The following ZDHHC3 variants were observed in gnomAD, a reference collection of about 807,000 sequenced individuals.
The protein encoded by ZDHHC3 is zDHHC palmitoyltransferase 3.
Under a neutral mutation model 30.6 loss-of-function variants are expected in ZDHHC3, and 9 were observed. The observed-to-expected ratio is 0.29, with a 90% CI of 0.18 to 0.51. The LOEUF (loss-of-function observed/expected upper bound fraction) is 0.51, where lower values mean the gene tolerates loss of function less well. Among genes scored for constraint, ZDHHC3 ranks in the 20% least tolerant of loss-of-function variants. The pLI, the probability that ZDHHC3 is intolerant of heterozygous loss-of-function variation, is 0.97. For synonymous variants in ZDHHC3, 136 were observed against 140.2 expected, an observed-to-expected ratio of 0.97 and a Z score of 0.21; for missense variants, 246 against 384.2, an observed-to-expected ratio of 0.64 and a Z score of 3.01.
At position 44,917,450 on chromosome 3, in the gene ZDHHC3, C is replaced by T. The variant is rs1575739014; in HGVS notation, c.*9239G>A. The stretch of plus-strand genomic sequence containing the variant: ...GTCCCCAAGGCAAGCCCTGCCCGGT[C>T]CTTCTGTCACAACCTTACTTCTCAA... On this transcript the variant is annotated 3_prime_UTR_variant, in exon 7 of 7. Coordinates refer to ENST00000424952, the MANE Select transcript of ZDHHC3 (RefSeq NM_001135179.2). 2 of 183,470 alleles carry T rather than the reference C, an allele frequency of 1.1e-5. No homozygotes were observed. Among genetic ancestry groups the T allele is most frequent in the Middle Eastern group, 5.3e-3 (2 of 380 alleles). The allele number at this position is 183,470 out of a possible 1,614,324, so 11.4% of individuals were successfully genotyped here.
At position 44,976,105 on chromosome 3, in the gene ZDHHC3, A is replaced by C; in HGVS notation, c.-197T>G. 2.2e-6 allele frequency: 1 copy of C among 456,852 alleles called. No individual in the cohort carries two copies. Among genetic ancestry groups the C allele is most frequent in the African/African-American group, 2.1e-5 (1 of 48,350 alleles). The allele number at this position is 456,852 out of a possible 1,614,324, so 28.3% of individuals were successfully genotyped here. A position where few individuals can be genotyped will look rare whatever the true frequency, so the allele number is the denominator to read the frequency against. On this transcript the variant is annotated 5_prime_UTR_variant, in exon 1 of 7. Coordinates refer to ENST00000424952, the MANE Select transcript of ZDHHC3 (RefSeq NM_001135179.2). ...CTCGGCCAGACACCGGGCGGCGCGC[A>C]GGAGAAGCCCATCGAGCTCTCCCGG...
At position 44,925,561 on chromosome 3, in the gene ZDHHC3, G is replaced by T; in HGVS notation, c.*1128C>A. ...GTCCCAGTGCCACAGGCTTAGGTGT[G>T]TCTGTGGATTCTGGCCAATGGGATG... On this transcript the variant is annotated 3_prime_UTR_variant, in exon 7 of 7. Coordinates refer to ENST00000424952, the MANE Select transcript of ZDHHC3 (RefSeq NM_001135179.2). 1.0e-6 allele frequency: 1 copy of T among 985,486 alleles called. No individual in the cohort carries two copies. The highest frequency in any genetic ancestry group is 1.2e-6 in the Non-Finnish European group (1 of 829,950). The allele number at this position is 985,486 out of a possible 1,614,324, so 61.0% of individuals were successfully genotyped here.
chr3:44,919,547 C>T lies in ZDHHC3; in HGVS notation c.*7142G>A, dbSNP rs1270870452. 6.6e-6 allele frequency among the ~76,000 whole-genome samples: 1 copy of T among 152,134 alleles called. No homozygotes were observed. The highest frequency in any genetic ancestry group is 6.5e-5 in the Admixed American group (1 of 15,280). On this transcript the variant is annotated 3_prime_UTR_variant, in exon 7 of 7. Transcript: ENST00000424952. The stretch of plus-strand genomic sequence containing the variant: ...TTTCACCTCGATTTTTAAAAAGGGT[C>T]AAGGTCATGAAAGACAAAGGAAGAC...
At chr3:44,941,255 A>G (rs1287510653) in intron 3 of ZDHHC3, among the ~76,000 whole-genome samples, 2 of 152,206 alleles carry the variant, frequency 1.3e-5, no homozygotes, top group East Asian at 3.8e-4. Context: ...TATGACTAAA[A>G]TTATAAGCAA....
chr3:44,920,227 C>T lies in ZDHHC3; in HGVS notation c.*6462G>A, dbSNP rs1278818931. 7.8e-7 allele frequency: 1 copy of T among 1,289,976 alleles called. No individual in the cohort carries two copies. The highest frequency in any genetic ancestry group is 1.2e-5 in the South Asian group (1 of 81,036). The allele number at this position is 1,289,976 out of a possible 1,614,324, so 79.9% of individuals were successfully genotyped here. ...GTCATGAGCATGTGATGCCATGCTGCTTCCTGACTGGCCCCTCGCCAGGCC... is the reference window on the plus strand; with the variant it reads ...GTCATGAGCATGTGATGCCATGCTGTTTCCTGACTGGCCCCTCGCCAGGCC... On this transcript the variant is annotated 3_prime_UTR_variant, in exon 7 of 7. Coordinates refer to ENST00000424952, the MANE Select transcript of ZDHHC3 (RefSeq NM_001135179.2).
At position 44,945,311 on chromosome 3, in the gene ZDHHC3, G is replaced by T. The variant is rs766534832; in HGVS notation, c.307-19C>A. On this transcript the variant is annotated intron_variant, in intron 2 of 6. Coordinates refer to ENST00000424952, the MANE Select transcript of ZDHHC3 (RefSeq NM_001135179.2). ...CTGCCCCCTGTAGGAAAGATGAAAG[G>T]TATCAGGGTTGGGCTGGGGGTTCTA... The T allele has an allele frequency of 1.2e-6, 2 of 1,614,132 alleles. No homozygotes were observed. Among genetic ancestry groups the T allele is most frequent in the Non-Finnish European group, 1.7e-6 (2 of 1,180,002 alleles).
intron 1 of ZDHHC3, among the ~76,000 whole-genome samples, chr3:44,961,966 T>G (rs538735980): frequency 6.6e-6 from 1 of 152,236 alleles, no homozygotes; most frequent in Non-Finnish European, 1.5e-5. Context: ...AAAAGTTTGC[T>G]GATGCCTGGT....
rs1226349082 is a variant in ZDHHC3 at position 44,921,540 on chromosome 3, C to T, written c.*5149G>A. 6.1e-6 allele frequency: 6 copies of T among 985,302 alleles called. No homozygotes were observed. The highest frequency in any genetic ancestry group is 7.2e-6 in the Non-Finnish European group (6 of 829,946). 61.0% of individuals were successfully genotyped at this position (985,302 alleles called of 1,614,324 possible). On this transcript the variant is annotated 3_prime_UTR_variant, in exon 7 of 7. Transcript: ENST00000424952. Reference sequence around the variant, plus strand: ...TGCATTAAACATTTTTCTTGAAAAACATGCTGGTTGCAAACCATGAATGGC... The same window carrying T: ...TGCATTAAACATTTTTCTTGAAAAATATGCTGGTTGCAAACCATGAATGGC...
chr3:44,944,456 A>T (rs1401116664), intron 3 of ZDHHC3, among the ~76,000 whole-genome samples: 1 of 151,052 alleles, frequency 6.6e-6, no homozygotes, highest in African/African-American at 2.4e-5. Flanking sequence ...TAATTTTTAA[A>T]TTTTTTTGTA....
chr3:44,931,240 T>C (rs1037007186), intron 5 of ZDHHC3, among the ~76,000 whole-genome samples: 1 of 152,254 alleles, frequency 6.6e-6, no homozygotes, highest in Non-Finnish European at 1.5e-5. Flanking sequence ...CAGTTCGGCC[T>C]TGGCCTGGCA....
At position 44,922,749 on chromosome 3, in the gene ZDHHC3, G is replaced by A. The variant is rs767401831; in HGVS notation, c.*3940C>T. On this transcript the variant is annotated 3_prime_UTR_variant, in exon 7 of 7. Coordinates refer to ENST00000424952, the MANE Select transcript of ZDHHC3 (RefSeq NM_001135179.2). ...CTGGGCCCCGCTCGGTTTCTGGTTCGGTAGCCTGGGGTGGGGACCGAGAAT... is the reference window on the plus strand; with the variant it reads ...CTGGGCCCCGCTCGGTTTCTGGTTCAGTAGCCTGGGGTGGGGACCGAGAAT... The A allele has an allele frequency of 9.1e-6, 9 of 984,366 alleles. No individual in the cohort carries two copies. The highest frequency in any genetic ancestry group is 1.7e-5 in the African/African-American group (1 of 57,194). 61.0% of individuals were successfully genotyped at this position (984,366 alleles called of 1,614,324 possible).
chr3:44,944,698 G>A (rs1470469064), intron 3 of ZDHHC3, among the ~76,000 whole-genome samples: 2 of 152,088 alleles, frequency 1.3e-5, no homozygotes, highest in African/African-American at 4.8e-5. Context: ...TTCTTTTTTG[G>A]TTTAATTCTG....
At chr3:44,929,536 G>T in intron 5 of ZDHHC3, 100 bp from the exon 6 acceptor site, 5 of 1,497,788 alleles carry the variant, frequency 3.3e-6, no homozygotes, top group Non-Finnish European at 4.5e-6. Context: ...CTGCTTGCAG[G>T]CCTTCATTCC....
chr3:44,918,635 C>T lies in ZDHHC3; in HGVS notation c.*8054G>A. Reference sequence around the variant, plus strand: ...TTAAGGAAGGAGTGCAGGACACAAACAGCATGCGAGGTGAAGAAGCGGGTG... The same window carrying T: ...TTAAGGAAGGAGTGCAGGACACAAATAGCATGCGAGGTGAAGAAGCGGGTG... On this transcript the variant is annotated 3_prime_UTR_variant, in exon 7 of 7. Transcript: ENST00000424952. 1.0e-6 allele frequency: 1 copy of T among 985,436 alleles called. No homozygotes were observed. Among genetic ancestry groups the T allele is most frequent in the Non-Finnish European group, 1.2e-6 (1 of 829,928 alleles). 61.0% of individuals were successfully genotyped at this position (985,436 alleles called of 1,614,324 possible).
chr3:44,967,562 A>G (rs114452341), intron 1 of ZDHHC3, among the ~76,000 whole-genome samples: 123 of 152,308 alleles, frequency 8.1e-4, no homozygotes, highest in African/African-American at 2.9e-3. Context: ...ACACTCATGT[A>G]CAGTGTGACA....
Position 44,959,571 on chromosome 3 carries a change from G to T in ZDHHC3, c.-24-111C>A. ...GATTACTTATCTGCAACCCCTGTGT[G>T]CAAAGCCACCTAATCACCTTGTTCA... On this transcript the variant is annotated intron_variant, in intron 1 of 6. Transcript: ENST00000424952. The surrounding 1 kb of genome is among the most constrained non-coding windows in gnomAD (Gnocchi z 4.3). 1 of 834,522 alleles carries T rather than the reference G, an allele frequency of 1.2e-6. No homozygotes were observed. The highest frequency in any genetic ancestry group is 1.9e-6 in the Non-Finnish European group (1 of 538,626). 51.7% of individuals were successfully genotyped at this position (834,522 alleles called of 1,614,324 possible).
At position 44,922,799 on chromosome 3, in the gene ZDHHC3, T is replaced by C. The variant is rs1473988519; in HGVS notation, c.*3890A>G. 1.0e-6 allele frequency: 1 copy of C among 985,108 alleles called. No individual in the cohort carries two copies. The highest frequency in any genetic ancestry group is 1.1e-4 in the East Asian group (1 of 8,814). 61.0% of individuals were successfully genotyped at this position (985,108 alleles called of 1,614,324 possible). A position where few individuals can be genotyped will look rare whatever the true frequency, so the allele number is the denominator to read the frequency against. On this transcript the variant is annotated 3_prime_UTR_variant, in exon 7 of 7. Coordinates refer to ENST00000424952, the MANE Select transcript of ZDHHC3 (RefSeq NM_001135179.2). ...TGTGCATTTCTAACAAGTTCTCAGGTGATGCTGATGTTGACGTTGCTGGTC... is the reference window on the plus strand; with the variant it reads ...TGTGCATTTCTAACAAGTTCTCAGGCGATGCTGATGTTGACGTTGCTGGTC...
chr3:44,963,508 A>AG (rs1704658990), intron 1 of ZDHHC3, among the ~76,000 whole-genome samples: 1 of 151,586 alleles, frequency 6.6e-6, no homozygotes, highest in East Asian at 1.9e-4. Flanking sequence ...GGCAAAAAAA[A>AG]AAAACCCACC....
At position 44,918,706 on chromosome 3, in the gene ZDHHC3, C is replaced by T. The variant is rs1297394297; in HGVS notation, c.*7983G>A. 4.0e-6 allele frequency: 4 copies of T among 995,032 alleles called. No homozygotes were observed. In the African/African-American group the frequency reaches 7.0e-5, roughly 17 times the overall value. 61.6% of individuals were successfully genotyped at this position (995,032 alleles called of 1,614,324 possible). A position where few individuals can be genotyped will look rare whatever the true frequency, so the allele number is the denominator to read the frequency against. Reference sequence around the variant, plus strand: ...ATGCATTAGGCAGCCGGAGGGCACACAGGACCACTGTGGGGAGGTAAGGCT... The same window carrying T: ...ATGCATTAGGCAGCCGGAGGGCACATAGGACCACTGTGGGGAGGTAAGGCT... On this transcript the variant is annotated 3_prime_UTR_variant, in exon 7 of 7. Transcript: ENST00000424952.
Sources: gnomAD v4.1 joint callset for allele counts (sites outside exome capture counted in the v4.1 genomes callset) on GRCh38, gnomAD v4.1.1 for gene constraint, Gnocchi (gnomAD v3.1) non-coding constraint, MANE v1.5 for transcripts, NCBI Gene and HGNC (gene_info 2026-07-23, HGNC 2026-07-21) for gene names.